SLCO2B1: variants seen among roughly 807,000 people sequenced by gnomAD.
SLCO2B1 encodes solute carrier organic anion transporter family member 2B1.
SLCO2B1 carries 41 observed loss-of-function variants against 67.3 expected under a neutral mutation model. That is an observed-to-expected ratio of 0.61 (90% confidence interval 0.47 to 0.79). The LOEUF is 0.79. Among genes scored for constraint, SLCO2B1 ranks in the 30% least tolerant of loss-of-function variants. The probability of loss-of-function intolerance (pLI) is 0.00; values close to 1 mark genes in which losing one functional copy is unlikely to be tolerated. For synonymous variants in SLCO2B1, 379 were observed against 381.4 expected (o/e 0.99, Z 0.07); for missense variants, 837 against 920.1 (o/e 0.91, Z 1.17).
rs1408186577 is a variant in SLCO2B1 at position 75,162,751 on chromosome 11, A to G, written c.113A>G (p.Gln38Arg). 1 of 1,614,058 alleles carries G rather than the reference A, an allele frequency of 6.2e-7. No homozygotes were observed. The highest frequency in any genetic ancestry group is 1.1e-5 in the South Asian group (1 of 91,076). Residue 38 changes from glutamine (Q) to arginine (R), a missense_variant, in exon 2 of 14, where the codon CAG becomes CGG. Physicochemically the swap from Gln to Arg is conservative, Grantham distance 43. Coordinates refer to ENST00000289575, the MANE Select transcript of SLCO2B1 (RefSeq NM_007256.5). ...TPGGKASPDPQDVRPSVFHNI... is the reference protein window; with the variant it reads ...TPGGKASPDPRDVRPSVFHNI... ...GGAGGCAAAGCCAGCCCAGACCCTCAGGACGTGCGGCCAAGTGTGTTCCAT... is the reference window on the plus strand; with the variant it reads ...GGAGGCAAAGCCAGCCCAGACCCTCGGGACGTGCGGCCAAGTGTGTTCCAT...
chr11:75,188,840 C>T (rs1005855993), intron 8 of SLCO2B1, among the ~76,000 whole-genome samples: 1 of 152,210 alleles, frequency 6.6e-6, no homozygotes, highest in East Asian at 1.9e-4. Context: ...TCTCAGAACC[C>T]TCAGGGCTTC....
chr11:75,193,929 G>A lies in SLCO2B1; in HGVS notation c.1433+354G>A, dbSNP rs577841631. On this transcript the variant is annotated intron_variant, in intron 9 of 13. Transcript: ENST00000289575. The surrounding 1 kb of genome is among the most constrained non-coding windows in gnomAD (Gnocchi z 4.2). ...ATGAGCCAGAGGCTACATCACAGGA[G>A]CCAGGACCCAGCTCAGCCAGAGGAA... Among the ~76,000 whole-genome samples the A allele has an allele frequency of 5.3e-5, 8 of 152,284 alleles. No individual in the cohort carries two copies. In the South Asian group the frequency reaches 1.7e-3, roughly 32 times the overall value.
intron 6 of SLCO2B1, among the ~76,000 whole-genome samples, chr11:75,170,627 C>T (rs977267054): frequency 1.6e-4 from 24 of 152,160 alleles, no homozygotes; most frequent in African/African-American, 5.3e-4. Flanking sequence ...GACATGCAGA[C>T]GCTGCTTCTC....
chr11:75,170,223 T>C (rs752509946), intron 6 of SLCO2B1, among the ~76,000 whole-genome samples: 161 of 152,146 alleles, frequency 1.1e-3, no homozygotes, highest in Non-Finnish European at 1.6e-3. Flanking sequence ...GGAGCAGAAC[T>C]TGGTGACTCA....
At chr11:75,202,658 C>G (rs964505699) in intron 11 of SLCO2B1, 10 of 548,704 alleles carry the variant, frequency 1.8e-5, no homozygotes, top group Non-Finnish European at 3.3e-5. Flanking sequence ...CAGAAACATA[C>G]AGAGGTCAGC....
rs1015089374 is a variant in SLCO2B1, at chr11:75,193,022, G to A, written c.1076-196G>A. On this transcript the variant is annotated intron_variant, in intron 8 of 13. Coordinates refer to ENST00000289575, the MANE Select transcript of SLCO2B1 (RefSeq NM_007256.5). This position sits in a 1 kb window ranked among gnomAD's most constrained non-coding sequence, Gnocchi z 4.2. ...TGCGCCACTGCACCCCAGCCTGGGCGACAGAGAGAGAAAAAAAAAGGGACT... is the reference window on the plus strand; with the variant it reads ...TGCGCCACTGCACCCCAGCCTGGGCAACAGAGAGAGAAAAAAAAAGGGACT... Among the ~76,000 whole-genome samples the A allele has an allele frequency of 2.1e-4, 32 of 152,180 alleles. No individual in the cohort carries two copies. Among genetic ancestry groups the A allele is most frequent in the East Asian group, 5.8e-4 (3 of 5,178 alleles).
At chr11:75,188,930 C>T (rs1169967674) in intron 8 of SLCO2B1, among the ~76,000 whole-genome samples, 1 of 152,194 alleles carries the variant, frequency 6.6e-6, no homozygotes. Context: ...TCTCCTCCCA[C>T]CCACTGCTGA....
intron 6 of SLCO2B1, 198 bp downstream of exon 6, chr11:75,169,962 A>T (rs1949939668): frequency 3.5e-6 from 2 of 570,270 alleles, no homozygotes; most frequent in Non-Finnish European, 6.2e-6. Context: ...CTGTGATCAG[A>T]GTCCAGCGAG....
intron 9 of SLCO2B1, chr11:75,196,255 T>C (rs1320395872): frequency 1.2e-5 from 6 of 484,888 alleles, no homozygotes; most frequent in Non-Finnish European, 2.2e-5. Flanking sequence ...GTATACCCTG[T>C]AGAAGGGTCA....
At chr11:75,197,932 C>G (rs2140342718) in intron 10 of SLCO2B1, among the ~76,000 whole-genome samples, 1 of 152,338 alleles carries the variant, frequency 6.6e-6, no homozygotes, top group East Asian at 1.9e-4. Flanking sequence ...TCTGCCTTCT[C>G]AGGCCCCCAG....
chr11:75,202,742 G>A (rs1041053804), intron 11 of SLCO2B1, 159 bp from the exon 12 acceptor site: 5 of 676,400 alleles, frequency 7.4e-6, no homozygotes, highest in African/African-American at 5.4e-5. Context: ...AAAGGATGGG[G>A]TACGTCCCTG....
At chr11:75,190,971 C>T (rs1019994512) in intron 8 of SLCO2B1, among the ~76,000 whole-genome samples, 2 of 152,204 alleles carry the variant, frequency 1.3e-5, no homozygotes, top group Admixed American at 1.3e-4. Context: ...AAAGGCATAG[C>T]CTCTGCCCTC....
chr11:75,162,457 C>A (rs1949832430), intron 1 of SLCO2B1, among the ~76,000 whole-genome samples, 198 bp from the exon 2 acceptor site: 1 of 152,138 alleles, frequency 6.6e-6, no homozygotes, highest in African/African-American at 2.4e-5. Flanking sequence ...GATACACACC[C>A]TTTTAGGAAA....
chr11:75,204,640 C>T lies in SLCO2B1; in HGVS notation c.*60C>T, dbSNP rs1339314186. On this transcript the variant is annotated 3_prime_UTR_variant, in exon 14 of 14. Transcript: ENST00000289575. ...GCCACAGCAGTACCTCCTCTGAGTC[C>T]TTTGCCCAAGATTGGGTGTCAAGAG... The T allele has an allele frequency of 6.8e-7, 1 of 1,473,986 alleles. No individual in the cohort carries two copies. Among genetic ancestry groups the T allele is most frequent in the Non-Finnish European group, 9.1e-7 (1 of 1,100,210 alleles). 91.3% of individuals were successfully genotyped at this position (1,473,986 alleles called of 1,614,324 possible).
chr11:75,203,134 G>A, intron 12 of SLCO2B1, 169 bp downstream of exon 12: 1 of 1,152,978 alleles, frequency 8.7e-7, no homozygotes, highest in Non-Finnish European at 1.3e-6. Flanking sequence ...TATAGAGGCA[G>A]AGTCTAGACA....
At chr11:75,185,110 A>C (rs879754815) in intron 7 of SLCO2B1, among the ~76,000 whole-genome samples, 3 of 152,226 alleles carry the variant, frequency 2.0e-5, no homozygotes, top group Non-Finnish European at 4.4e-5. Context: ...GCCAGCCTTG[A>C]GCCAGCCAGC....
intron 3 of SLCO2B1, 81 bp downstream of exon 3, chr11:75,164,181 C>T: frequency 6.8e-7 from 1 of 1,474,452 alleles, no homozygotes; most frequent in South Asian, 1.3e-5. Flanking sequence ...CTCTCACTAC[C>T]CTACCTTAAG....
intron 10 of SLCO2B1, among the ~76,000 whole-genome samples, chr11:75,198,852 T>G (rs1945141346): frequency 6.6e-6 from 1 of 151,902 alleles, no homozygotes; most frequent in African/African-American, 2.4e-5. Context: ...CCTGAACAGG[T>G]GTGGAGCTGA....
chr11:75,187,607 T>C (rs573256143), intron 7 of SLCO2B1, among the ~76,000 whole-genome samples: 1 of 152,280 alleles, frequency 6.6e-6, no homozygotes, highest in Non-Finnish European at 1.5e-5. Flanking sequence ...ATGATATTGA[T>C]GATTCTGATC....
Sources: allele counts gnomAD v4.1 joint callset (sites outside exome capture counted in the v4.1 genomes callset), GRCh38; gene constraint gnomAD v4.1.1; non-coding constraint Gnocchi (gnomAD v3.1); transcripts MANE v1.5; gene names NCBI Gene and HGNC (gene_info 2026-07-23, HGNC 2026-07-21).